CEP135: variants seen among roughly 807,000 people sequenced by gnomAD.
CEP135 encodes centrosomal protein of 135 kDa.
A neutral mutation model predicts 157.3 loss-of-function variants in CEP135; 142 were observed. The ratio of observed to expected loss-of-function variants is 0.90; its 90% CI spans 0.79 to 1.04. The LOEUF (loss-of-function observed/expected upper bound fraction) is 1.04. Among genes scored for constraint, CEP135 ranks in the 50% least tolerant of loss-of-function variants. The probability of loss-of-function intolerance (pLI) is 0.00; values close to 1 mark genes in which losing one functional copy is unlikely to be tolerated. For missense variants in CEP135, 1,317 were observed against 1,309.2 expected (o/e 1.01, Z -0.09); for synonymous variants, 396 against 439.8 (o/e 0.90, Z 1.25).
chr4:55,995,333 T>C (rs2109707417), intron 15 of CEP135, among the ~76,000 whole-genome samples: 1 of 152,332 alleles, frequency 6.6e-6, no homozygotes, highest in Admixed American at 6.5e-5. Context: ...CTGTTTTGTT[T>C]TGTTTTAGGC....
rs376309359 is a variant in CEP135, at chr4:56,019,496, C to T, written c.3156C>T (p.His1052=). 21 of 1,613,900 alleles carry T rather than the reference C, an allele frequency of 1.3e-5. No individual in the cohort carries two copies. Among genetic ancestry groups the T allele is most frequent in the Admixed American group, 1.7e-5 (1 of 59,992 alleles). ...AATTTCATTCTCACTTAACCTCCCA[C>T]GAGAAGGATACAGAAATCCAGCTAC... The part of the protein sequence containing the change: ...DKEFHSHLTS[H]EKDTEIQLLK... Residue 1052 remains histidine (H), a synonymous_variant, in exon 23 of 26, where the codon CAC becomes CAT. Transcript: ENST00000257287.
intron 17 of CEP135, among the ~76,000 whole-genome samples, chr4:56,000,914 G>A (rs560811083): frequency 1.5e-3 from 222 of 152,108 alleles, no homozygotes; most frequent in African/African-American, 5.2e-3. Flanking sequence ...TTCCAGCATC[G>A]GTTATTCCCC....
At chr4:56,011,370 G>T (rs542026467) in intron 19 of CEP135, 42 bp from the exon 20 acceptor site, 1 of 1,273,810 alleles carries the variant, frequency 7.9e-7, no homozygotes, top group Non-Finnish European at 1.1e-6. Context: ...TTTATTTGGT[G>T]TTGTGTTCAT....
chr4:56,017,270 GAT>G (rs1446041335), intron 21 of CEP135, among the ~76,000 whole-genome samples: 1 of 151,992 alleles, frequency 6.6e-6, no homozygotes, highest in Non-Finnish European at 1.5e-5. Flanking sequence ...GTTGAGGAGT[GAT>G]ATGTATATAT....
chr4:55,959,855 A>G (rs1322238919), intron 6 of CEP135, 89 bp downstream of exon 6: 11 of 1,036,768 alleles, frequency 1.1e-5, no homozygotes, highest in Non-Finnish European at 1.6e-5. Flanking sequence ...AATTGCTGAT[A>G]CTGAGTTTTT....
intron 5 of CEP135, among the ~76,000 whole-genome samples, chr4:55,958,816 G>T (rs1728585247): frequency 6.6e-6 from 1 of 152,122 alleles, no homozygotes; most frequent in Non-Finnish European, 1.5e-5. Context: ...AAGCACTGTG[G>T]TTCACGCCTG....
chr4:55,952,939 A>G (rs1486667176), intron 2 of CEP135, 146 bp from the exon 3 acceptor site: 3 of 610,994 alleles, frequency 4.9e-6, no homozygotes, highest in Non-Finnish European at 5.3e-6. Context: ...TTACAGGACT[A>G]CTCTCCTTCC....
chr4:56,017,449 T>C (rs1730813253), intron 21 of CEP135, among the ~76,000 whole-genome samples, 199 bp from the exon 22 acceptor site: 1 of 152,182 alleles, frequency 6.6e-6, no homozygotes, highest in African/African-American at 2.4e-5. Flanking sequence ...TTACCATGAT[T>C]AATAATTATA....
chr4:56,011,558 GGTT>G, intron 20 of CEP135, 36 bp downstream of exon 20: 2 of 1,301,970 alleles, frequency 1.5e-6, no homozygotes, highest in Non-Finnish European at 2.1e-6. Context: ...TTAAGACTGA[GGTT>G]TTTTTTTTTT....
chr4:55,983,749 T>C (rs1729486491), intron 13 of CEP135, among the ~76,000 whole-genome samples: 1 of 152,088 alleles, frequency 6.6e-6, no homozygotes, highest in South Asian at 2.1e-4. Context: ...CTCAAACCCC[T>C]GACCTCAGGT....
intron 14 of CEP135, among the ~76,000 whole-genome samples, chr4:55,985,729 G>A (rs1019261224): frequency 6.6e-6 from 1 of 152,108 alleles, no homozygotes; most frequent in Non-Finnish European, 1.5e-5. Flanking sequence ...CCAAAGTGCT[G>A]GGATTACAGC....
Position 55,981,352 on chromosome 4 carries a change from A to C in CEP135, c.1752A>C (p.Glu584Asp). 6.3e-7 allele frequency: 1 copy of C among 1,582,580 alleles called. No individual in the cohort carries two copies. Among genetic ancestry groups the C allele is most frequent in the Non-Finnish European group, 8.5e-7 (1 of 1,171,434 alleles). The change falls in exon 13 of 26, where the codon GAA becomes GAC. Residue 584 changes from glutamate (E) to aspartate (D), a missense_variant. Coordinates refer to ENST00000257287, the MANE Select transcript of CEP135 (RefSeq NM_025009.5). ...CTGACTTAAGAAGAATTATGGCAGA[A>C]AAGGAAGCTTTAAGAGAAAAATTAG... Reference protein sequence around the residue: ...ALSDLRRIMAEKEALREKLEH... With the variant: ...ALSDLRRIMADKEALREKLEH...
At chr4:55,952,957 G>C (rs1728403551) in intron 2 of CEP135, 128 bp from the exon 3 acceptor site, 4 of 718,486 alleles carry the variant, frequency 5.6e-6, no homozygotes, top group Non-Finnish European at 8.5e-6. Flanking sequence ...TCCTATATGT[G>C]GTCTGTCGTT....
intron 25 of CEP135, among the ~76,000 whole-genome samples, chr4:56,028,871 C>T (rs1318849456): frequency 6.6e-6 from 1 of 152,120 alleles, no homozygotes; most frequent in Non-Finnish European, 1.5e-5. Context: ...ACATTATCTG[C>T]CTGGAGATAG....
In CEP135 at chr4:56,024,596, A is replaced by G; in HGVS notation, c.3416A>G (p.Asn1139Ser). 2 of 1,608,656 alleles carry G rather than the reference A, an allele frequency of 1.2e-6. No homozygotes were observed. The highest frequency in any genetic ancestry group is 1.7e-6 in the Non-Finnish European group (2 of 1,175,192). ...RSPSHSPEHRNV is the reference protein window; with the variant it reads ...RSPSHSPEHRSV ...CCTTCACATTCTCCTGAACATAGAA[A>G]TGTGTAATTATCAGAAAGGTATGTA... Residue 1139 changes from asparagine to serine, a missense_variant, in exon 25 of 26, where the codon AAT becomes AGT. By Grantham distance (46) the Asn-to-Ser change is conservative. Transcript: ENST00000257287.
chr4:55,991,808 T>A, intron 14 of CEP135, 126 bp from the exon 15 acceptor site: 1 of 610,912 alleles, frequency 1.6e-6, no homozygotes, highest in South Asian at 3.0e-5. Context: ...ACATGACTTA[T>A]AAAGTTTTTT....
chr4:56,011,773 G>T (rs774282360), intron 20 of CEP135, 27 bp from the exon 21 acceptor site: 1 of 1,536,246 alleles, frequency 6.5e-7, no homozygotes, highest in Non-Finnish European at 8.8e-7. Context: ...TACTAATTTA[G>T]AAACAATTTT....
At chr4:56,013,050 A>G (rs1346439196) in intron 21 of CEP135, among the ~76,000 whole-genome samples, 1 of 152,162 alleles carries the variant, frequency 6.6e-6, no homozygotes, top group Non-Finnish European at 1.5e-5. Flanking sequence ...TATCCTTGCC[A>G]ACACTTGTAA....
chr4:55,988,143 A>G (rs201206164), intron 14 of CEP135, among the ~76,000 whole-genome samples: 1 of 112,156 alleles, frequency 8.9e-6, no homozygotes. Flanking sequence ...TTTATAAAAA[A>G]GGTATAAAAA....
Sources: gnomAD v4.1 joint callset for allele counts (sites outside exome capture counted in the v4.1 genomes callset) on GRCh38, gnomAD v4.1.1 for gene constraint, MANE v1.5 for transcripts, NCBI Gene and HGNC (gene_info 2026-07-23, HGNC 2026-07-21) for gene names.